DIDO1: variants seen among roughly 807,000 people sequenced by gnomAD.
The protein encoded by DIDO1 is death inducer-obliterator 1.
DIDO1 carries 16 observed loss-of-function variants against 99.4 expected under a neutral mutation model. The ratio of observed to expected loss-of-function variants is 0.16; its 90% CI spans 0.11 to 0.24. The LOEUF is 0.24. Ranked by LOEUF, DIDO1 falls within the 10% of genes least tolerant of loss-of-function variation. The probability of loss-of-function intolerance (pLI) is 1.00; values close to 1 mark genes in which losing one functional copy is unlikely to be tolerated. For synonymous variants in DIDO1, 1,366 were observed against 1,239.1 expected (o/e 1.10, Z -2.15); for missense variants, 2,996 against 3,014.0 (o/e 0.99, Z 0.14).
intron 4 of DIDO1, among the ~76,000 whole-genome samples, chr20:62,908,767 G>C (rs2064861335): frequency 6.6e-6 from 1 of 152,200 alleles, no homozygotes; most frequent in South Asian, 2.1e-4. Flanking sequence ...GCTAAGGTGG[G>C]AGGATCACTC....
rs1488631175 is a variant in DIDO1, at chr20:62,878,959, A to G, written c.*274T>C. ...TAAAATTTACAATAAAGTTATTGGA[A>G]AAGATAACTATGATCTGAAAAGCAA... On this transcript the variant is annotated 3_prime_UTR_variant, in exon 16 of 16. Coordinates refer to ENST00000395343, the MANE Select transcript of DIDO1 (RefSeq NM_001193369.2). The G allele has an allele frequency of 5.6e-6, 2 of 355,842 alleles. No homozygotes were observed. The highest frequency in any genetic ancestry group is 9.9e-6 in the Non-Finnish European group (2 of 201,320). 22.0% of individuals were successfully genotyped at this position (355,842 alleles called of 1,614,324 possible).
intron 1 of DIDO1, among the ~76,000 whole-genome samples, chr20:62,915,703 G>C (rs187540362): frequency 1.3e-5 from 2 of 152,006 alleles, no homozygotes; most frequent in African/African-American, 2.4e-5. Context: ...ATGTTATCCA[G>C]GCTGGTCTTG....
intron 1 of DIDO1, among the ~76,000 whole-genome samples, chr20:62,918,038 C>G (rs1384644159): frequency 3.3e-5 from 5 of 152,200 alleles, no homozygotes; most frequent in African/African-American, 7.2e-5. Context: ...CTTCAGACAT[C>G]AGAAGAGACT....
intron 12 of DIDO1, 100 bp from the exon 13 acceptor site, chr20:62,893,062 T>C: frequency 7.6e-7 from 1 of 1,320,398 alleles, no homozygotes; most frequent in Non-Finnish European, 1.0e-6. Context: ...GATCTCATTC[T>C]GTCATGCAGG....
intron 6 of DIDO1, among the ~76,000 whole-genome samples, 162 bp from the exon 7 acceptor site, chr20:62,897,158 G>A (rs1476279321): frequency 6.6e-6 from 1 of 152,212 alleles, no homozygotes; most frequent in African/African-American, 2.4e-5. Context: ...GTGTTCAGAG[G>A]AGTGTAAGGG....
rs770637510 is a variant in DIDO1 at position 62,880,972 on chromosome 20, T to A, written c.4984A>T (p.Thr1662Ser). The A allele has an allele frequency of 5.0e-6, 8 of 1,606,378 alleles. No homozygotes were observed. The East Asian group carries it at 1.6e-4, about 31-fold the overall frequency. The change falls in exon 16 of 16, where the codon ACA becomes TCA. Residue 1662 changes from threonine (T) to serine (S), a missense_variant. By Grantham distance (58) the Thr-to-Ser change is moderately conservative (BLOSUM62 1). This residue lies in a region of DIDO1 where 1,562 missense variants were observed against 1,412.6 expected (regional missense o/e 1.11). Coordinates refer to ENST00000395343, the MANE Select transcript of DIDO1 (RefSeq NM_001193369.2). ...ARPARRVLLP[T>S]PPCGALQPGF... ...GGCTGCAGGGCGCCGCAAGGCGGTG[T>A]GGGCAGCAGCACCCTCCGGGCAGGC...
Position 62,880,385 on chromosome 20 carries a change from G to T in DIDO1, c.5571C>A (p.Asp1857Glu), listed in dbSNP as rs754023003. Residue 1857 changes from aspartate (D) to glutamate (E), a missense_variant, in exon 16 of 16, where the codon GAC (aspartate) becomes GAA (glutamate). Coordinates refer to ENST00000395343, the MANE Select transcript of DIDO1 (RefSeq NM_001193369.2). Reference sequence around the variant, plus strand: ...CGCCCGTCACCTCGTTATACGGGGCGTCCTGGAACTCCCTCTTCTCCCCAT... The same window carrying T: ...CGCCCGTCACCTCGTTATACGGGGCTTCCTGGAACTCCCTCTTCTCCCCAT... ...DPHGEKREFQDAPYNEVTGAP... is the reference protein window; with the variant it reads ...DPHGEKREFQEAPYNEVTGAP... 7 of 1,612,862 alleles carry T rather than the reference G, an allele frequency of 4.3e-6. No homozygotes were observed. The South Asian group carries it at 7.7e-5, about 18-fold the overall frequency.
At chr20:62,923,140 C>T (rs1402195817) in intron 1 of DIDO1, among the ~76,000 whole-genome samples, 1 of 152,118 alleles carries the variant, frequency 6.6e-6, no homozygotes, top group African/African-American at 2.4e-5. Flanking sequence ...TCCCAAAGTG[C>T]TGGGACTACA....
chr20:62,889,859 T>A, intron 15 of DIDO1: 1 of 985,488 alleles, frequency 1.0e-6, no homozygotes, highest in Non-Finnish European at 1.2e-6. Flanking sequence ...ACCCTGAAAT[T>A]ACTGATACCA....
At chr20:62,920,918 T>C (rs1281915702) in intron 1 of DIDO1, among the ~76,000 whole-genome samples, 2 of 152,232 alleles carry the variant, frequency 1.3e-5, no homozygotes, top group Non-Finnish European at 2.9e-5. Flanking sequence ...TTATTTGAGA[T>C]GGAGTCTCGC....
chr20:62,918,746 C>T (rs1219777203), intron 1 of DIDO1, among the ~76,000 whole-genome samples: 4 of 152,130 alleles, frequency 2.6e-5, no homozygotes, highest in African/African-American at 7.2e-5. Flanking sequence ...TCATTATTTT[C>T]GCTAATTCTG....
chr20:62,930,172 T>A (rs907820276), upstream of DIDO1, among the ~76,000 whole-genome samples: 5 of 150,064 alleles, frequency 3.3e-5, no homozygotes, highest in African/African-American at 1.2e-4. Flanking sequence ...CCCGCTGCAC[T>A]CCAGCCTGGG....
At chr20:62,899,728 G>C (rs1488562717) in intron 6 of DIDO1, among the ~76,000 whole-genome samples, 1 of 152,206 alleles carries the variant, frequency 6.6e-6, no homozygotes, top group Admixed American at 6.5e-5. Flanking sequence ...GCATGGAAAT[G>C]GGCAGTCAGG....
chr20:62,893,741 G>A lies in DIDO1; in HGVS notation c.3026C>T (p.Pro1009Leu), dbSNP rs751623461. The change falls in exon 12 of 16, where the codon CCC (proline) becomes CTC (leucine). Residue 1009 changes from proline (P) to leucine (L), a missense_variant. By Grantham distance (98) the Pro-to-Leu change is moderately conservative. Coordinates refer to ENST00000395343, the MANE Select transcript of DIDO1 (RefSeq NM_001193369.2). ...PKPVLTSVMV[P>L]KSILAKPSSS... ...GGATGGCTTAGCTAGTATGGACTTG[G>A]GCACCATCACAGAAGTCAAGACAGG... is the stretch of plus-strand genomic sequence containing the variant. 1 of 1,614,180 alleles carries A rather than the reference G, an allele frequency of 6.2e-7. No individual in the cohort carries two copies. Among genetic ancestry groups the A allele is most frequent in the Non-Finnish European group, 8.5e-7 (1 of 1,180,034 alleles).
At chr20:62,921,071 T>A (rs989618368) in intron 1 of DIDO1, among the ~76,000 whole-genome samples, 1 of 152,114 alleles carries the variant, frequency 6.6e-6, no homozygotes, top group Non-Finnish European at 1.5e-5. Context: ...TTTTTTTGTG[T>A]CTTTAGTAGA....
chr20:62,916,708 G>A (rs2065044632), intron 1 of DIDO1, among the ~76,000 whole-genome samples: 1 of 152,092 alleles, frequency 6.6e-6, no homozygotes, highest in Non-Finnish European at 1.5e-5. Flanking sequence ...GAGTGTTTCA[G>A]CTAAAACATG....
intron 6 of DIDO1, among the ~76,000 whole-genome samples, chr20:62,898,702 C>T (rs914660542): frequency 5.3e-5 from 8 of 152,328 alleles, no homozygotes; most frequent in South Asian, 2.1e-4. Context: ...CACCCACAAC[C>T]GCACCCCAAA....
chr20:62,929,345 G>C (rs1420437709), upstream of DIDO1: 2 of 151,900 alleles, frequency 1.3e-5, no homozygotes, highest in African/African-American at 2.4e-5. Flanking sequence ...GGCACGGGGA[G>C]GGGCGAGGGC....
At chr20:62,929,708 T>TATATATATATATATATATATATAC (rs1235083855), upstream of DIDO1, among the ~76,000 whole-genome samples, 17 of 132,614 alleles carry the variant, frequency 1.3e-4, 1 homozygote, top group African/African-American at 5.5e-4. Context: ...TATATATATA[T>TATATATATATATATATATATATAC]ATATGCCTAC....
Sources: allele counts gnomAD v4.1 joint callset (sites outside exome capture counted in the v4.1 genomes callset), GRCh38; gene constraint gnomAD v4.1.1; regional missense constraint gnomAD v4.1.1; transcripts MANE v1.5; gene names NCBI Gene and HGNC (gene_info 2026-07-23, HGNC 2026-07-21).